Variants in AP2B1 observed in about 807,000 individuals in gnomAD.
The protein encoded by AP2B1 is adaptor related protein complex 2 subunit beta 1.
In AP2B1, 23 loss-of-function variants were observed where a neutral mutation model predicts 102.0. That is an observed-to-expected ratio of 0.23 (90% CI 0.16 to 0.32). The LOEUF (loss-of-function observed/expected upper bound fraction) is 0.32. Among genes scored for constraint, AP2B1 ranks in the 10% least tolerant of loss-of-function variants. The pLI, the probability that AP2B1 is intolerant of heterozygous loss-of-function variation, is 1.00. For synonymous variants in AP2B1, 381 were observed against 421.2 expected, an observed-to-expected ratio of 0.90 and a Z score of 1.17; for missense variants, 541 against 1,157.4, an observed-to-expected ratio of 0.47 and a Z score of 7.73.
At position 35,710,165 on chromosome 17, in the gene AP2B1, C is replaced by G. The variant is rs2076418427; in HGVS notation, c.2540-69C>G. On this transcript the variant is annotated intron_variant, in intron 19 of 21. Coordinates refer to ENST00000610402, the MANE Select transcript of AP2B1 (RefSeq NM_001030006.2). ...CCAGCATGCCAAAGGAAAAATGATG[C>G]AAGGCATCGAAAATCAGAATACTGA... 4 of 1,111,030 alleles carry G rather than the reference C, an allele frequency of 3.6e-6. No individual in the cohort carries two copies. In the South Asian group the frequency reaches 3.9e-5, roughly 11 times the overall value. 68.8% of individuals were successfully genotyped at this position (1,111,030 alleles called of 1,614,324 possible).
intron 3 of AP2B1, among the ~76,000 whole-genome samples, chr17:35,601,681 C>A (rs562780733): frequency 6.6e-6 from 1 of 152,280 alleles, no homozygotes; most frequent in South Asian, 2.1e-4. Flanking sequence ...AGTTGCCTAT[C>A]TGTGATCTGT....
chr17:35,662,440 A>G (rs1219981591), intron 14 of AP2B1, among the ~76,000 whole-genome samples: 1 of 151,130 alleles, frequency 6.6e-6, no homozygotes, highest in Non-Finnish European at 1.5e-5. Flanking sequence ...ACAGTTTACT[A>G]GTTAGGTATA....
intron 8 of AP2B1, 59 bp downstream of exon 8, chr17:35,627,564 A>T (rs2074353979): frequency 6.2e-7 from 1 of 1,613,210 alleles, no homozygotes; most frequent in Non-Finnish European, 8.5e-7. Flanking sequence ...CTGGCCTTTA[A>T]AGAAGCTAGG....
intron 12 of AP2B1, among the ~76,000 whole-genome samples, chr17:35,649,355 G>A (rs1483768183): frequency 1.3e-5 from 2 of 151,904 alleles, no homozygotes; most frequent in African/African-American, 2.4e-5. Context: ...TGCAACCTCC[G>A]CCTCCCGGGT....
intron 3 of AP2B1, among the ~76,000 whole-genome samples, chr17:35,599,933 A>G (rs941122378): frequency 6.6e-6 from 1 of 152,114 alleles, no homozygotes; most frequent in Non-Finnish European, 1.5e-5. Context: ...CAAAAAAACA[A>G]AATAGAATGT....
At chr17:35,649,847 A>C (rs530647338) in intron 12 of AP2B1, among the ~76,000 whole-genome samples, 3 of 152,036 alleles carry the variant, frequency 2.0e-5, no homozygotes, top group South Asian at 4.2e-4. Flanking sequence ...CTGCAGCCTC[A>C]ACCTCCTGGG....
intron 17 of AP2B1, among the ~76,000 whole-genome samples, chr17:35,682,469 A>G (rs2075845064): frequency 1.3e-5 from 2 of 151,198 alleles, no homozygotes; most frequent in East Asian, 3.9e-4. Flanking sequence ...CAGCCTCCCA[A>G]GTAGCTGGGA....
intron 14 of AP2B1, among the ~76,000 whole-genome samples, chr17:35,659,445 C>G (rs2075309505): frequency 6.6e-6 from 1 of 152,164 alleles, no homozygotes; most frequent in Non-Finnish European, 1.5e-5. Context: ...TAGCTCATGC[C>G]AACTCCAAAA....
intron 3 of AP2B1, 64 bp from the exon 4 acceptor site, chr17:35,605,641 C>T (rs2073650104): frequency 1.7e-6 from 2 of 1,164,666 alleles, no homozygotes; most frequent in African/African-American, 1.5e-5. Context: ...TATTCATGTT[C>T]TGTCCAACAG....
At chr17:35,679,635 C>T (rs1330824824) in intron 17 of AP2B1, among the ~76,000 whole-genome samples, 3 of 152,006 alleles carry the variant, frequency 2.0e-5, no homozygotes, top group Non-Finnish European at 2.9e-5. Context: ...GACTTTTTCC[C>T]CCTTGTTTGT....
At chr17:35,596,509 C>G (rs2073277853) in intron 2 of AP2B1, among the ~76,000 whole-genome samples, 1 of 135,962 alleles carries the variant, frequency 7.4e-6, no homozygotes, top group Non-Finnish European at 1.5e-5. Flanking sequence ...TTTGTCCCCA[C>G]TATTTCTTTC....
intron 5 of AP2B1, among the ~76,000 whole-genome samples, chr17:35,614,012 T>C (rs553219148): frequency 2.6e-5 from 4 of 152,256 alleles, no homozygotes; most frequent in South Asian, 2.1e-4. Flanking sequence ...TATTGAGATA[T>C]GCACTTTTGA....
chr17:35,632,910 A>G (rs2074502742), intron 9 of AP2B1, among the ~76,000 whole-genome samples: 1 of 151,700 alleles, frequency 6.6e-6, no homozygotes, highest in Admixed American at 6.6e-5. Context: ...TACATACTAC[A>G]TAATTTATTA....
chr17:35,602,446 A>G (rs922483088), intron 3 of AP2B1, among the ~76,000 whole-genome samples: 2 of 152,210 alleles, frequency 1.3e-5, no homozygotes, highest in African/African-American at 4.8e-5. Flanking sequence ...CTTTCCTGCA[A>G]GTAACCTCAA....
intron 5 of AP2B1, among the ~76,000 whole-genome samples, chr17:35,619,910 G>A (rs1306264688): frequency 1.3e-5 from 2 of 152,036 alleles, no homozygotes; most frequent in African/African-American, 4.8e-5. Flanking sequence ...TCAGCCTCCC[G>A]AGTAGCTGGG....
chr17:35,640,176 C>T lies in AP2B1; in HGVS notation c.1437+416C>T, dbSNP rs557956571. Among the ~76,000 whole-genome samples the T allele has an allele frequency of 8.6e-5, 13 of 151,360 alleles. No individual in the cohort carries two copies. In the South Asian group the frequency reaches 2.7e-3, roughly 32 times the overall value. On this transcript the variant is annotated intron_variant, in intron 11 of 21. Transcript: ENST00000610402. ...AGGTGATCCACCCGCCTCGGCCTCC[C>T]AGAGTGCTGGGATTACGGGCATGAG...
chr17:35,665,759 G>T (rs1321365707), intron 14 of AP2B1, among the ~76,000 whole-genome samples: 1 of 152,164 alleles, frequency 6.6e-6, no homozygotes, highest in African/African-American at 2.4e-5. Context: ...CAGGAGCATA[G>T]AAATGTCTGA....
chr17:35,709,205 CTTG>C lies in AP2B1; in HGVS notation c.2455-15_2455-13del, dbSNP rs782137564. 1.2e-6 allele frequency: 2 copies of C among 1,612,562 alleles called. No homozygotes were observed. The highest frequency in any genetic ancestry group is 1.7e-6 in the Non-Finnish European group (2 of 1,178,634). On this transcript the variant is annotated splice_polypyrimidine_tract_variant and intron_variant, in intron 18 of 21. Coordinates refer to ENST00000610402, the MANE Select transcript of AP2B1 (RefSeq NM_001030006.2). ...GCTCCCTGCGATGTCCTCATTTGAC[CTTG>C]TTGCTTTCCTGGCAGGTGGCTGTGA... is the stretch of plus-strand genomic sequence containing the variant.
chr17:35,676,958 T>C (rs2075716170), intron 17 of AP2B1, among the ~76,000 whole-genome samples: 1 of 152,178 alleles, frequency 6.6e-6, no homozygotes, highest in Non-Finnish European at 1.5e-5. Flanking sequence ...CTTTTCTTAA[T>C]AATGTTTTCA....
Sources: allele counts gnomAD v4.1 joint callset (sites outside exome capture counted in the v4.1 genomes callset), GRCh38; gene constraint gnomAD v4.1.1; transcripts MANE v1.5; gene names NCBI Gene and HGNC (gene_info 2026-07-23, HGNC 2026-07-21).